Variants in L3MBTL4 observed in about 807,000 individuals in gnomAD.
L3MBTL4 encodes L3MBTL histone methyl-lysine binding protein 4.
Under a neutral mutation model 84.5 loss-of-function variants are expected in L3MBTL4, and 70 were observed. The ratio of observed to expected loss-of-function variants is 0.83; its 90% CI spans 0.68 to 1.01. The LOEUF (loss-of-function observed/expected upper bound fraction) is 1.01, where lower values mean the gene tolerates loss of function less well. L3MBTL4 is among the 50% of genes least tolerant of loss of function. The pLI is 0.00. For synonymous variants in L3MBTL4, 274 were observed against 259.8 expected, an observed-to-expected ratio of 1.05 and a Z score of -0.52; for missense variants, 715 against 754.8, an observed-to-expected ratio of 0.95 and a Z score of 0.62.
intron 16 of L3MBTL4, among the ~76,000 whole-genome samples, chr18:5,977,495 A>G (rs996681245): frequency 2.4e-4 from 37 of 152,258 alleles, no homozygotes; most frequent in African/African-American, 7.0e-4. Context: ...TGCTGCCCCA[A>G]TGCAGGCTCT....
At chr18:6,230,773 A>G (rs982493436) in intron 10 of L3MBTL4, among the ~76,000 whole-genome samples, 10 of 152,108 alleles carry the variant, frequency 6.6e-5, no homozygotes, top group African/African-American at 2.4e-4. Context: ...TGACTTTTTA[A>G]TAATAGCCAT....
chr18:6,339,925 CTT>C (rs1193336205), intron 1 of L3MBTL4, among the ~76,000 whole-genome samples: 1 of 152,096 alleles, frequency 6.6e-6, no homozygotes, highest in Admixed American at 6.5e-5. Context: ...AATTGAAGCT[CTT>C]ATTAAAATCT....
rs536318678 is a variant in L3MBTL4 at position 6,307,469 on chromosome 18, A to G, written c.72+4085T>C. On this transcript the variant is annotated intron_variant, in intron 3 of 18. Coordinates refer to ENST00000317931, the MANE Select transcript of L3MBTL4 (RefSeq NM_001330559.2). ...AAAAAAAAAAGTTATATTCTCTCCAATTAGATTTACCAGGTTGGATTTATA... is the reference window on the plus strand; with the variant it reads ...AAAAAAAAAAGTTATATTCTCTCCAGTTAGATTTACCAGGTTGGATTTATA... Among the ~76,000 whole-genome samples the G allele has an allele frequency of 8.6e-5, 13 of 151,918 alleles. No individual in the cohort carries two copies. The South Asian group carries it at 1.0e-3, about 12-fold the overall frequency.
intron 16 of L3MBTL4, among the ~76,000 whole-genome samples, chr18:5,980,618 G>A (rs889068232): frequency 1.3e-5 from 2 of 151,932 alleles, no homozygotes; most frequent in Admixed American, 6.6e-5. Context: ...TTTTAGTAGA[G>A]AAAGGATTTT....
At chr18:6,199,554 G>T (rs950526655) in intron 12 of L3MBTL4, among the ~76,000 whole-genome samples, 2 of 152,160 alleles carry the variant, frequency 1.3e-5, no homozygotes, top group Admixed American at 6.5e-5. Flanking sequence ...AGAATTTACT[G>T]CCTGGACAAG....
At chr18:5,989,148 G>A (rs2053581474) in intron 16 of L3MBTL4, among the ~76,000 whole-genome samples, 1 of 152,210 alleles carries the variant, frequency 6.6e-6, no homozygotes, top group South Asian at 2.1e-4. Flanking sequence ...CATCAGGAAT[G>A]TGGGCCCATG....
At chr18:6,323,958 G>C (rs1464527465) in intron 1 of L3MBTL4, among the ~76,000 whole-genome samples, 2 of 149,320 alleles carry the variant, frequency 1.3e-5, no homozygotes, top group African/African-American at 4.9e-5. Context: ...AGGGAAGAAT[G>C]GTTTTGTGCG....
At chr18:6,140,096 G>A (rs972943681) in intron 13 of L3MBTL4, among the ~76,000 whole-genome samples, 8 of 152,064 alleles carry the variant, frequency 5.3e-5, no homozygotes, top group Non-Finnish European at 1.0e-4. Context: ...ACCCAAAATG[G>A]CTTTGCTTCT....
At chr18:6,066,012 T>C (rs919556018) in intron 16 of L3MBTL4, among the ~76,000 whole-genome samples, 4 of 152,036 alleles carry the variant, frequency 2.6e-5, no homozygotes, top group African/African-American at 9.7e-5. Context: ...CTTTCCTGTT[T>C]GGGCTGCTTT....
At chr18:6,178,954 G>A (rs1468987997) in intron 12 of L3MBTL4, among the ~76,000 whole-genome samples, 3 of 152,098 alleles carry the variant, frequency 2.0e-5, no homozygotes, top group Non-Finnish European at 4.4e-5. Flanking sequence ...ACTTAGCCCT[G>A]TGTCTCACAG....
chr18:5,972,286 A>G (rs1348125089), intron 16 of L3MBTL4, among the ~76,000 whole-genome samples: 1 of 152,252 alleles, frequency 6.6e-6, no homozygotes, highest in African/African-American at 2.4e-5. Context: ...TGAGACAGAA[A>G]GTTTTAAAGT....
intron 16 of L3MBTL4, chr18:6,031,638 C>T (rs556664195): frequency 2.1e-6 from 2 of 967,658 alleles, no homozygotes; most frequent in South Asian, 9.6e-5. Flanking sequence ...GCTGGGATGA[C>T]CAGGGCAGCT....
At chr18:6,322,456 TGGAA>T (rs199942673) in intron 1 of L3MBTL4, among the ~76,000 whole-genome samples, 11,293 of 102,390 alleles carry the variant, frequency 0.11, 525 homozygotes, top group Middle Eastern at 0.18. Context: ...GAAGGAAGGA[TGGAA>T]GGAAGGAAGG....
chr18:6,129,214 C>CA (rs1291599764), intron 14 of L3MBTL4, among the ~76,000 whole-genome samples: 2 of 152,160 alleles, frequency 1.3e-5, no homozygotes, highest in Admixed American at 6.5e-5. Context: ...CTAGTTCCTT[C>CA]CAGAAGGGGT....
intron 17 of L3MBTL4, among the ~76,000 whole-genome samples, chr18:5,964,483 T>C (rs1435696724): frequency 1.3e-5 from 2 of 152,186 alleles, no homozygotes; most frequent in African/African-American, 4.8e-5. Context: ...GCCTGAGTCT[T>C]ATTCTTTAAC....
intron 16 of L3MBTL4, among the ~76,000 whole-genome samples, chr18:5,992,692 A>G (rs2053759379): frequency 6.6e-6 from 1 of 152,034 alleles, no homozygotes; most frequent in African/African-American, 2.4e-5. Flanking sequence ...TGGTCATTTA[A>G]AAGTGTGTGG....
chr18:6,021,322 AC>A (rs1243264851), intron 16 of L3MBTL4, among the ~76,000 whole-genome samples: 1 of 152,178 alleles, frequency 6.6e-6, no homozygotes, highest in African/African-American at 2.4e-5. Context: ...GGATGGTGAA[AC>A]TTTTTTTCCC....
At chr18:5,975,546 G>A (rs140161129) in intron 16 of L3MBTL4, among the ~76,000 whole-genome samples, 38 of 152,326 alleles carry the variant, frequency 2.5e-4, no homozygotes, top group Middle Eastern at 6.8e-3. Context: ...AGCTGGGAAC[G>A]TTGTTTTCTT....
chr18:6,117,772 A>G (rs2059401681), intron 14 of L3MBTL4, among the ~76,000 whole-genome samples: 1 of 152,262 alleles, frequency 6.6e-6, no homozygotes, highest in East Asian at 1.9e-4. Context: ...GACATTCTTA[A>G]TAGATTATTA....
Sources: gnomAD v4.1 joint callset for allele counts (sites outside exome capture counted in the v4.1 genomes callset) on GRCh38, gnomAD v4.1.1 for gene constraint, MANE v1.5 for transcripts, NCBI Gene and HGNC (gene_info 2026-07-23, HGNC 2026-07-21) for gene names.